The following SIL1 variants were observed in gnomAD, a reference collection of about 807,000 sequenced individuals.
SIL1 encodes nucleotide exchange factor SIL1.
In SIL1, 40 loss-of-function variants were observed where a neutral mutation model predicts 49.1. The observed-to-expected ratio is 0.81, with a 90% CI of 0.63 to 1.06. The LOEUF is 1.06. Among genes scored for constraint, SIL1 ranks in the 50% least tolerant of loss-of-function variants. The pLI, the probability that SIL1 is intolerant of heterozygous loss-of-function variation, is 0.00. For synonymous variants in SIL1, 253 were observed against 250.8 expected, an observed-to-expected ratio of 1.01 and a Z score of -0.08; for missense variants, 500 against 572.6, an observed-to-expected ratio of 0.87 and a Z score of 1.29.
intron 5 of SIL1, among the ~76,000 whole-genome samples, chr5:139,028,646 T>G (rs1768717551): frequency 6.6e-6 from 1 of 152,220 alleles, no homozygotes; most frequent in Non-Finnish European, 1.5e-5. Context: ...GTTAACATTT[T>G]ACATAAGGAT....
intron 7 of SIL1, among the ~76,000 whole-genome samples, chr5:139,000,603 T>C (rs1767962828): frequency 6.6e-6 from 1 of 151,962 alleles, no homozygotes; most frequent in Non-Finnish European, 1.5e-5. Flanking sequence ...AAAATAAATA[T>C]TAAAATAAAA....
intron 3 of SIL1, among the ~76,000 whole-genome samples, chr5:139,113,859 AT>A (rs1315897932): frequency 6.6e-6 from 1 of 152,192 alleles, no homozygotes; most frequent in African/African-American, 2.4e-5. Flanking sequence ...GTTTTCCATC[AT>A]CCCTACTTGG....
At chr5:139,042,579 C>T (rs930554171) in intron 5 of SIL1, 41 bp downstream of exon 5, 10 of 1,535,280 alleles carry the variant, frequency 6.5e-6, no homozygotes, top group Non-Finnish European at 9.0e-6. Context: ...ACAACAAGGC[C>T]ATGCTGCAGG....
chr5:139,151,163 C>T (rs771916319), intron 1 of SIL1, among the ~76,000 whole-genome samples: 2 of 152,158 alleles, frequency 1.3e-5, no homozygotes, highest in Non-Finnish European at 2.9e-5. Flanking sequence ...CCATTCCCAA[C>T]CATTGGCCCC....
intron 1 of SIL1, among the ~76,000 whole-genome samples, chr5:139,184,710 T>C (rs1267100616): frequency 1.3e-5 from 2 of 152,112 alleles, no homozygotes; most frequent in Non-Finnish European, 2.9e-5. Context: ...AATGGGGATG[T>C]CATAAGAATC....
intron 3 of SIL1, among the ~76,000 whole-genome samples, chr5:139,056,683 G>C (rs1159070044): frequency 2.8e-5 from 4 of 143,192 alleles, no homozygotes; most frequent in Admixed American, 2.7e-4. Context: ...CGCCCCGTCC[G>C]GGAGGGAGGT....
chr5:139,097,505 C>T (rs1416953164), intron 3 of SIL1, among the ~76,000 whole-genome samples: 1 of 146,094 alleles, frequency 6.8e-6, no homozygotes, highest in Non-Finnish European at 1.5e-5. Flanking sequence ...TTTTTTAAGA[C>T]TTCTCACCGT....
At chr5:138,971,626 G>A (rs192510089) in intron 7 of SIL1, among the ~76,000 whole-genome samples, 146 of 152,292 alleles carry the variant, frequency 9.6e-4, no homozygotes, top group African/African-American at 3.5e-3. Flanking sequence ...GAGCGGGGAT[G>A]AGGCTCAGCC....
intron 7 of SIL1, among the ~76,000 whole-genome samples, chr5:138,970,142 A>C (rs1364864375): frequency 6.6e-6 from 1 of 152,242 alleles, no homozygotes; most frequent in Non-Finnish European, 1.5e-5. Context: ...TCTTTGCAGA[A>C]GCAGAGGCAG....
chr5:138,978,886 G>A (rs550198415), intron 7 of SIL1, among the ~76,000 whole-genome samples: 2 of 152,070 alleles, frequency 1.3e-5, no homozygotes, highest in East Asian at 1.9e-4. Flanking sequence ...TTGTTGAATT[G>A]TAGGAGTTTT....
intron 3 of SIL1, among the ~76,000 whole-genome samples, chr5:139,080,639 T>A (rs931263583): frequency 1.2e-4 from 19 of 152,236 alleles, no homozygotes; most frequent in African/African-American, 4.6e-4. Flanking sequence ...TCCTGTCTTT[T>A]CTGAAACAAG....
In SIL1 at chr5:139,147,219, A is replaced by C. The variant is rs371665682; in HGVS notation, c.-10-19366T>G. Among the ~76,000 whole-genome samples, 7 of 152,136 alleles carry C rather than the reference A, an allele frequency of 4.6e-5. No individual in the cohort carries two copies. The East Asian group carries it at 1.2e-3, about 25-fold the overall frequency. ...TCAGCTCTTTTCAGCTCTTTTCCCAAGGGGTTTCCAACCACTCCAAAGAGG... is the reference window on the plus strand; with the variant it reads ...TCAGCTCTTTTCAGCTCTTTTCCCACGGGGTTTCCAACCACTCCAAAGAGG... On this transcript the variant is annotated intron_variant, in intron 1 of 9. Coordinates refer to ENST00000394817, the MANE Select transcript of SIL1 (RefSeq NM_022464.5).
At chr5:139,164,579 A>T (rs565749073) in intron 1 of SIL1, among the ~76,000 whole-genome samples, 1 of 152,208 alleles carries the variant, frequency 6.6e-6, no homozygotes, top group South Asian at 2.1e-4. Flanking sequence ...AGGCATTACA[A>T]TCTTCACCAT....
intron 6 of SIL1, chr5:139,022,254 T>C (rs1449491651): frequency 6.6e-6 from 1 of 152,260 alleles, no homozygotes; most frequent in Non-Finnish European, 1.5e-5. Context: ...CAACTGTGGC[T>C]GCTACCCATC....
rs200963153 is a variant in SIL1, at chr5:139,079,877, C to CT, written c.245-28832dup. On this transcript the variant is annotated intron_variant, in intron 3 of 9. Coordinates refer to ENST00000394817, the MANE Select transcript of SIL1 (RefSeq NM_022464.5). Reference sequence around the variant, plus strand: ...TGGCTACACCAACATTTTACAATGACTTTTTTCTTCCCCACACAAAGTCCA... The same window carrying CT: ...TGGCTACACCAACATTTTACAATGACTTTTTTTCTTCCCCACACAAAGTCCA... 1.5e-4 allele frequency among the ~76,000 whole-genome samples: 23 copies of CT among 152,292 alleles called. 1 individual carries two copies. The East Asian group carries it at 3.3e-3, about 22-fold the overall frequency.
chr5:139,101,256 A>ATGATGAGGTAG (rs1770581560), intron 3 of SIL1, among the ~76,000 whole-genome samples: 1 of 152,148 alleles, frequency 6.6e-6, no homozygotes, highest in Non-Finnish European at 1.5e-5. Flanking sequence ...GACAGTCATT[A>ATGATGAGGTAG]CTGCCACTAC....
chr5:139,064,103 T>A (rs1329113095), intron 3 of SIL1, among the ~76,000 whole-genome samples: 1 of 152,230 alleles, frequency 6.6e-6, no homozygotes, highest in African/African-American at 2.4e-5. Flanking sequence ...GCTCTTATTG[T>A]TCTCGTTTAC....
chr5:139,161,540 T>C (rs968593759), intron 1 of SIL1, among the ~76,000 whole-genome samples: 23 of 152,204 alleles, frequency 1.5e-4, no homozygotes, highest in Non-Finnish European at 3.1e-4. Flanking sequence ...AATGAACATC[T>C]GTCGGCTAAC....
chr5:139,026,807 G>A lies in SIL1; in HGVS notation c.639C>T (p.Val213=), dbSNP rs778242006. The A allele has an allele frequency of 3.7e-6, 6 of 1,613,898 alleles. No individual in the cohort carries two copies. In the African/African-American group the frequency reaches 6.7e-5, roughly 18 times the overall value. The part of the protein sequence containing the change: ...IAALFDLEYY[V]HQMDNAQDLL... Reference sequence around the variant, plus strand: ...GGACGAAGAAATACAGTACCTGATGGACATAATATTCAAGATCAAAGAGCG... The same window carrying A: ...GGACGAAGAAATACAGTACCTGATGAACATAATATTCAAGATCAAAGAGCG... The change falls in exon 6 of 10, where the codon GTC becomes GTT. Residue 213 remains valine (V), a synonymous_variant. Transcript: ENST00000394817.
Sources: gnomAD v4.1 joint callset for allele counts (sites outside exome capture counted in the v4.1 genomes callset) on GRCh38, gnomAD v4.1.1 for gene constraint, MANE v1.5 for transcripts, NCBI Gene and HGNC (gene_info 2026-07-23, HGNC 2026-07-21) for gene names.